Variants in MECOM observed in about 807,000 individuals in gnomAD.
The protein encoded by MECOM is histone-lysine N-methyltransferase MECOM.
Under a neutral mutation model 116.3 loss-of-function variants are expected in MECOM, and 13 were observed. The observed-to-expected ratio is 0.11, with a 90% confidence interval of 0.07 to 0.18. The LOEUF is 0.18. Among genes scored for constraint, MECOM ranks in the 10% least tolerant of loss-of-function variants. The probability of loss-of-function intolerance (pLI) is 1.00; values close to 1 mark genes in which losing one functional copy is unlikely to be tolerated. For missense variants in MECOM, 1,299 were observed against 1,509.0 expected (o/e 0.86, Z 2.31); for synonymous variants, 528 against 535.2 (o/e 0.99, Z 0.19).
chr3:169,319,992 G>C (rs998033646), intron 2 of MECOM, among the ~76,000 whole-genome samples: 2 of 152,222 alleles, frequency 1.3e-5, no homozygotes, highest in African/African-American at 2.4e-5. Context: ...ACAAGAGGTC[G>C]TACGGTGACT....
chr3:169,468,446 T>C (rs1748669872), intron 1 of MECOM, among the ~76,000 whole-genome samples: 3 of 152,154 alleles, frequency 2.0e-5, no homozygotes. Context: ...GGTCTGTCTT[T>C]CCCATTAAAA....
At position 169,340,307 on chromosome 3, in the gene MECOM, A is replaced by C. The variant is rs77107224; in HGVS notation, c.375+40880T>G. ...CGGGTTGCCGCTACTGATCGATGGC[A>C]TCACTCTAGTAGTGTAAATAGCTTC... On this transcript the variant is annotated intron_variant, in intron 2 of 16. Transcript: ENST00000651503. Among the ~76,000 whole-genome samples the C allele has an allele frequency of 4.4e-3, 665 of 152,304 alleles. 5 individuals carry two copies. The highest frequency in any genetic ancestry group is 0.015 in the African/African-American group (644 of 41,576).
chr3:169,550,221 C>A (rs1439042788), intron 1 of MECOM, among the ~76,000 whole-genome samples: 1 of 152,150 alleles, frequency 6.6e-6, no homozygotes, highest in Non-Finnish European at 1.5e-5. Flanking sequence ...CGAGCAAATG[C>A]AAAGTTATGT....
intron 2 of MECOM, among the ~76,000 whole-genome samples, chr3:169,342,367 T>C (rs1724690504): frequency 6.6e-6 from 1 of 152,008 alleles, no homozygotes; most frequent in African/African-American, 2.4e-5. Context: ...TTACAGTATT[T>C]TACAAGCATA....
intron 1 of MECOM, among the ~76,000 whole-genome samples, chr3:169,448,746 C>A (rs1424741083): frequency 6.6e-6 from 1 of 152,140 alleles, no homozygotes; most frequent in East Asian, 1.9e-4. Context: ...ATTCACATCT[C>A]AACTACTCTT....
intron 1 of MECOM, among the ~76,000 whole-genome samples, chr3:169,432,459 T>C (rs1444060604): frequency 6.6e-6 from 1 of 152,030 alleles, no homozygotes; most frequent in Non-Finnish European, 1.5e-5. Context: ...TGCCGGGCTG[T>C]CATTTTTTTC....
intron 1 of MECOM, among the ~76,000 whole-genome samples, chr3:169,523,110 A>G (rs1757552266): frequency 6.6e-6 from 1 of 152,226 alleles, no homozygotes; most frequent in African/African-American, 2.4e-5. Flanking sequence ...TTTTATAGAA[A>G]ATGAACAAAC....
At chr3:169,600,572 G>A (rs1352690591) in intron 1 of MECOM, among the ~76,000 whole-genome samples, 3 of 152,190 alleles carry the variant, frequency 2.0e-5, no homozygotes, top group African/African-American at 7.2e-5. Context: ...AGAGGAACTA[G>A]GTCTGCAAAA....
At chr3:169,269,321 T>A (rs2149647119) in intron 2 of MECOM, 1 of 152,300 alleles carries the variant, frequency 6.6e-6, no homozygotes, top group South Asian at 2.1e-4. Context: ...TTGAAAAGGA[T>A]TGCTTATTTC....
At chr3:169,443,364 G>T (rs146318476) in intron 1 of MECOM, among the ~76,000 whole-genome samples, 97 of 152,166 alleles carry the variant, frequency 6.4e-4, no homozygotes, top group African/African-American at 2.1e-3. Flanking sequence ...TACTCTCTGT[G>T]GGGGGAAGGG....
intron 1 of MECOM, among the ~76,000 whole-genome samples, chr3:169,466,255 G>A (rs2108761756): frequency 6.6e-6 from 1 of 152,224 alleles, no homozygotes; most frequent in East Asian, 1.9e-4. Flanking sequence ...TACTGATGTT[G>A]GTATTTAGAA....
intron 2 of MECOM, among the ~76,000 whole-genome samples, chr3:169,269,536 A>G (rs1758695069): frequency 6.6e-6 from 1 of 152,222 alleles, no homozygotes; most frequent in South Asian, 2.1e-4. Context: ...AATGAAAAGT[A>G]TCACTTTATT....
At chr3:169,593,668 C>G (rs149173143) in intron 1 of MECOM, among the ~76,000 whole-genome samples, 5 of 152,276 alleles carry the variant, frequency 3.3e-5, no homozygotes, top group African/African-American at 1.2e-4. Context: ...ACCACTGGCT[C>G]TACCCTATAT....
At position 169,567,669 on chromosome 3, in the gene MECOM, G is replaced by T. The variant is rs79350072; in HGVS notation, c.37+95667C>A. Among the ~76,000 whole-genome samples, 897 of 152,272 alleles carry T rather than the reference G, an allele frequency of 5.9e-3. 9 individuals are homozygous for T. Among genetic ancestry groups the T allele is most frequent in the African/African-American group, 0.021 (862 of 41,560 alleles). The stretch of plus-strand genomic sequence containing the variant: ...GACGCAGTGGCTCAAACTCCAGTCT[G>T]TAGACTTCCAGCCCAGGGCTCTTTC... On this transcript the variant is annotated intron_variant, in intron 1 of 16. Coordinates refer to ENST00000651503, the MANE Select transcript of MECOM (RefSeq NM_004991.4).
intron 2 of MECOM, among the ~76,000 whole-genome samples, chr3:169,218,946 G>A (rs16853325): frequency 0.11 from 16,108 of 151,956 alleles, 961 homozygotes; most frequent in Non-Finnish European, 0.13. Context: ...CTACCCCTAC[G>A]TATATAGCTG....
chr3:169,361,149 C>T (rs1728239532), intron 2 of MECOM, among the ~76,000 whole-genome samples: 1 of 151,840 alleles, frequency 6.6e-6, no homozygotes, highest in Non-Finnish European at 1.5e-5. Flanking sequence ...AAATGTACAG[C>T]TCTTACCTCT....
At chr3:169,472,335 C>T (rs1749402962) in intron 1 of MECOM, among the ~76,000 whole-genome samples, 1 of 147,514 alleles carries the variant, frequency 6.8e-6, no homozygotes, top group South Asian at 2.1e-4. Context: ...TCACTTGAGC[C>T]CAGGAGTTTG....
At chr3:169,124,204 A>G (rs6795388) in intron 5 of MECOM, among the ~76,000 whole-genome samples, 10,735 of 152,224 alleles carry the variant, frequency 0.071, 501 homozygotes, top group South Asian at 0.2. Flanking sequence ...AAATCCCAGC[A>G]AAGGCTTGGG....
intron 1 of MECOM, among the ~76,000 whole-genome samples, chr3:169,656,851 C>T (rs1026620072): frequency 4.0e-4 from 61 of 151,942 alleles, no homozygotes; most frequent in African/African-American, 1.4e-3. Context: ...CTAGAACTTG[C>T]CTTAAAAAAA....
Sources: gnomAD v4.1 joint callset for allele counts (sites outside exome capture counted in the v4.1 genomes callset) on GRCh38, gnomAD v4.1.1 for gene constraint, MANE v1.5 for transcripts, NCBI Gene and HGNC (gene_info 2026-07-23, HGNC 2026-07-21) for gene names.